Variants in ALLC observed in about 807,000 individuals in gnomAD.
ALLC encodes allantoicase, also known as probable inactive allantoicase.
Under a neutral mutation model 45.0 loss-of-function variants are expected in ALLC, and 40 were observed. That is an observed-to-expected ratio of 0.89 (90% CI 0.69 to 1.16). ALLC has a LOEUF of 1.16. Ranked by LOEUF, ALLC falls within the 50% of genes most tolerant of loss-of-function variation. The probability of loss-of-function intolerance (pLI) is 0.00; values close to 1 mark genes in which losing one functional copy is unlikely to be tolerated. For synonymous variants in ALLC, 176 were observed against 178.1 expected, an observed-to-expected ratio of 0.99 and a Z score of 0.09; for missense variants, 488 against 493.1, an observed-to-expected ratio of 0.99 and a Z score of 0.10.
At chr2:3,673,512 G>C (rs769997065) in intron 2 of ALLC, among the ~76,000 whole-genome samples, 1 of 152,244 alleles carries the variant, frequency 6.6e-6, no homozygotes, top group Non-Finnish European at 1.5e-5. Flanking sequence ...AGGCTGCAGT[G>C]ACCACAGAGT....
chr2:3,648,994 G>A, the ALLC span, among the ~76,000 whole-genome samples: 2 of 152,162 alleles, frequency 1.3e-5, no homozygotes, highest in Non-Finnish European at 2.9e-5. Context: ...ACCTGGCCCC[G>A]TAGAGAAGCC....
chr2:3,660,841 G>GC (rs1211865573), intron 1 of ALLC, among the ~76,000 whole-genome samples: 6 of 151,528 alleles, frequency 4.0e-5, no homozygotes, highest in Non-Finnish European at 4.4e-5. Context: ...TCAGGGTGGA[G>GC]CAGGTGATCG....
At chr2:3,674,026 T>C in intron 2 of ALLC, 49 bp from the exon 3 acceptor site, 2 of 1,322,336 alleles carry the variant, frequency 1.5e-6, no homozygotes, top group Non-Finnish European at 2.1e-6. Context: ...AATAAAATGG[T>C]ATCAGATTTA....
chr2:3,665,616 A>T (rs1666685118), intron 1 of ALLC, among the ~76,000 whole-genome samples: 2 of 152,174 alleles, frequency 1.3e-5, no homozygotes, highest in Admixed American at 1.3e-4. Flanking sequence ...TTCCAGATCT[A>T]CCCAGGTTCC....
At chr2:3,689,578 T>C (rs1667418644) in intron 7 of ALLC, among the ~76,000 whole-genome samples, 1 of 151,208 alleles carries the variant, frequency 6.6e-6, no homozygotes, top group African/African-American at 2.4e-5. Context: ...ATACTTGATA[T>C]GATTTCTACT....
chr2:3,655,587 C>T (rs1482012206), upstream of ALLC, among the ~76,000 whole-genome samples: 1 of 152,198 alleles, frequency 6.6e-6, no homozygotes, highest in Non-Finnish European at 1.5e-5. Context: ...TCCCAAGTAG[C>T]TGGGAATACA....
intron 7 of ALLC, among the ~76,000 whole-genome samples, chr2:3,687,690 T>C (rs1178230037): frequency 1.3e-5 from 2 of 151,170 alleles, no homozygotes; most frequent in Non-Finnish European, 3.0e-5. Context: ...TCCAGAAATG[T>C]ATCCATTTCT....
At chr2:3,673,720 G>C (rs899378419) in intron 2 of ALLC, among the ~76,000 whole-genome samples, 1 of 152,200 alleles carries the variant, frequency 6.6e-6, no homozygotes, top group Non-Finnish European at 1.5e-5. Flanking sequence ...AACCGCATAC[G>C]TAACCCAGAG....
the ALLC span, among the ~76,000 whole-genome samples, chr2:3,652,187 G>GT: frequency 6.6e-6 from 1 of 152,244 alleles, no homozygotes; most frequent in Non-Finnish European, 1.5e-5. Flanking sequence ...GACCTGCAAG[G>GT]GCCCCTCGGC....
At chr2:3,659,390 C>T (rs1386602447) in intron 1 of ALLC, among the ~76,000 whole-genome samples, 1 of 152,222 alleles carries the variant, frequency 6.6e-6, no homozygotes, top group Non-Finnish European at 1.5e-5. Flanking sequence ...CATGACAATG[C>T]TCCTCATTTG....
At chr2:3,668,920 T>A (rs921103344) in intron 1 of ALLC, among the ~76,000 whole-genome samples, 7 of 151,918 alleles carry the variant, frequency 4.6e-5, no homozygotes, top group Non-Finnish European at 7.4e-5. Context: ...ATACCCCAGG[T>A]GGGTAAAAAT....
chr2:3,682,584 G>C (rs541719480), intron 6 of ALLC, among the ~76,000 whole-genome samples: 78 of 152,194 alleles, frequency 5.1e-4, no homozygotes, highest in Non-Finnish European at 9.3e-4. Flanking sequence ...GGAGTGCAGG[G>C]GCGCGATCTC....
At chr2:3,672,812 G>A (rs558047152) in intron 2 of ALLC, among the ~76,000 whole-genome samples, 62 of 152,380 alleles carry the variant, frequency 4.1e-4, no homozygotes, top group African/African-American at 1.4e-3. Context: ...TGGTCCTCTG[G>A]CTCTAGTGTG....
intron 1 of ALLC, among the ~76,000 whole-genome samples, chr2:3,667,088 A>G (rs1666744331): frequency 6.6e-6 from 1 of 152,152 alleles, no homozygotes; most frequent in East Asian, 1.9e-4. Flanking sequence ...GGTTCCCTGG[A>G]TCATTGGCCT....
chr2:3,656,758 T>C (rs539968503), upstream of ALLC, among the ~76,000 whole-genome samples: 1 of 143,906 alleles, frequency 6.9e-6, no homozygotes, highest in East Asian at 1.9e-4. Context: ...GCACATTAGA[T>C]TGTAGGAGCC....
chr2:3,651,440 T>TGTTA, the ALLC span, among the ~76,000 whole-genome samples: 6 of 55,488 alleles, frequency 1.1e-4, 2 homozygotes, highest in East Asian at 1.3e-3. Flanking sequence ...TGTGTGTGTG[T>TGTTA]GTTAGGAAGG....
rs1265411651 is a variant in ALLC at position 3,695,864 on chromosome 2, A to T, written c.659A>T (p.Asn220Ile). Residue 220 changes from asparagine (N) to isoleucine (I), a missense_variant, in exon 8 of 12, where the codon AAT (asparagine) becomes ATT (isoleucine). By Grantham distance (149) the Asn-to-Ile change is moderately radical (BLOSUM62 -3). Coordinates refer to ENST00000252505, the MANE Select transcript of ALLC (RefSeq NM_018436.4). ...AATGCTAAGTTTGGGCACCCAAACA[A>T]TATAATAGGTAAGATGATATTCTTG... ...FSNAKFGHPNNIIGVGGAKSM... is the reference protein window; with the variant it reads ...FSNAKFGHPNIIIGVGGAKSM... The T allele has an allele frequency of 6.2e-7, 1 of 1,608,184 alleles. No individual in the cohort carries two copies. Among genetic ancestry groups the T allele is most frequent in the Admixed American group, 1.7e-5 (1 of 58,792 alleles).
rs1322847703 is a variant in ALLC, at chr2:3,671,084, T to C, written c.-62-12T>C. On this transcript the variant is annotated splice_polypyrimidine_tract_variant and intron_variant, in intron 1 of 11. Transcript: ENST00000252505. ...GCCCCCAAGGTTGACCGAGCTGCCC[T>C]CTCCCTTCCAGGAAGCACGGCTGAT... The C allele has an allele frequency of 1.9e-6, 3 of 1,553,684 alleles. No individual in the cohort carries two copies. The highest frequency in any genetic ancestry group is 1.2e-5 in the South Asian group (1 of 85,122).
At chr2:3,673,130 A>G (rs963616613) in intron 2 of ALLC, among the ~76,000 whole-genome samples, 15 of 152,194 alleles carry the variant, frequency 9.9e-5, no homozygotes, top group African/African-American at 3.6e-4. Context: ...GCGGGCAGGG[A>G]TGAGGTGCAG....
Sources: gnomAD v4.1 joint callset for allele counts (sites outside exome capture counted in the v4.1 genomes callset) on GRCh38, gnomAD v4.1.1 for gene constraint, MANE v1.5 for transcripts, NCBI Gene and HGNC (gene_info 2026-07-23, HGNC 2026-07-21) for gene names.